Variants in KLF13 observed in about 807,000 individuals in gnomAD.
The protein encoded by KLF13 is Krueppel-like factor 13.
In KLF13, 8 loss-of-function variants were observed where a neutral mutation model predicts 16.7. That is an observed-to-expected ratio of 0.48 (90% CI 0.28 to 0.87). The LOEUF is 0.87. Among genes scored for constraint, KLF13 ranks in the 40% least tolerant of loss-of-function variants. The pLI is 0.10. For synonymous variants in KLF13, 245 were observed against 208.4 expected, an observed-to-expected ratio of 1.18 and a Z score of -1.51; for missense variants, 447 against 452.2, an observed-to-expected ratio of 0.99 and a Z score of 0.10.
chr15:31,435,229 C>G (rs1328899203), intron 1 of KLF13: 4 of 152,184 alleles, frequency 2.6e-5, no homozygotes, highest in Non-Finnish European at 4.4e-5. Context: ...CTGGGGACAG[C>G]TCGGGCTTTC....
At chr15:31,370,066 T>A (rs2039534173) in intron 1 of KLF13, among the ~76,000 whole-genome samples, 1 of 147,614 alleles carries the variant, frequency 6.8e-6, no homozygotes, top group Admixed American at 6.7e-5. Flanking sequence ...TTTTTTTTTT[T>A]ACTCTTTGAC....
At chr15:31,405,305 C>T (rs1406454109), downstream of KLF13, among the ~76,000 whole-genome samples, 5 of 152,178 alleles carry the variant, frequency 3.3e-5, no homozygotes, top group East Asian at 9.6e-4. Context: ...CAAAACGAGA[C>T]TCCGTCTCAA....
At chr15:31,388,580 G>A (rs1176378386), upstream of KLF13, among the ~76,000 whole-genome samples, 5 of 144,970 alleles carry the variant, frequency 3.4e-5, no homozygotes, top group South Asian at 6.6e-4. Flanking sequence ...ATTTCAGCCT[G>A]AGTGACAAGA....
rs1349519578 is a variant in KLF13 at position 31,375,386 on chromosome 15, A to G, written c.*3087A>G. ...CAGAATGTTTTCCCAGACTGCGTCT[A>G]TTTCAGGGTCTTCCATTTTTGTGGT... On this transcript the variant is annotated 3_prime_UTR_variant, in exon 2 of 2. Transcript: ENST00000307145. 1 of 152,204 alleles carries G rather than the reference A, an allele frequency of 6.6e-6. No individual in the cohort carries two copies. Among genetic ancestry groups the G allele is most frequent in the Non-Finnish European group, 1.5e-5 (1 of 68,036 alleles). 9.4% of individuals were successfully genotyped at this position (152,204 alleles called of 1,614,324 possible).
rs2040212128 is a variant in KLF13 at position 31,412,958 on chromosome 15, GA to G, written n.117+19272del. Among the ~76,000 whole-genome samples, 4 of 152,134 alleles carry G rather than the reference GA, an allele frequency of 2.6e-5. No individual in the cohort carries two copies. The South Asian group carries it at 8.3e-4, about 31-fold the overall frequency. ...GGAGGAGCACTTCTGAGTTCCTGGG[GA>G]AAAATATGAAGCTTAGACCTCAGAA... is the stretch of plus-strand genomic sequence containing the variant. On this transcript the variant is annotated intron_variant and non_coding_transcript_variant, in intron 1 of 1. Coordinates refer to the KLF13 transcript ENST00000558225.
Position 31,327,533 on chromosome 15 carries a change from C to A in KLF13, c.321C>A (p.Ser107=). ...RLPPPAPEPT[S]PGAEGAAAAP... is the part of the protein sequence containing the mutation. The stretch of plus-strand genomic sequence containing the variant: ...CGCCGCCCGCCCCCGAGCCCACCTC[C>A]CCCGGCGCCGAAGGCGCGGCGGCCG... Residue 107 remains serine (S), a synonymous_variant, in exon 1 of 2, where the codon TCC becomes TCA. Transcript: ENST00000307145. 1 of 1,114,598 alleles carries A rather than the reference C, an allele frequency of 9.0e-7. No individual in the cohort carries two copies. The highest frequency in any genetic ancestry group is 1.1e-6 in the Non-Finnish European group (1 of 913,564). 69.0% of individuals were successfully genotyped at this position (1,114,598 alleles called of 1,614,324 possible). A position where few individuals can be genotyped will look rare whatever the true frequency, so the allele number is the denominator to read the frequency against.
At chr15:31,380,764 C>T (rs2039713773), downstream of KLF13, among the ~76,000 whole-genome samples, 1 of 152,228 alleles carries the variant, frequency 6.6e-6, no homozygotes, top group African/African-American at 2.4e-5. Context: ...GGCAGGGCTG[C>T]TATCTCTGCA....
chr15:31,409,308 A>G (rs1051640440), downstream of KLF13, among the ~76,000 whole-genome samples: 3 of 152,062 alleles, frequency 2.0e-5, no homozygotes, highest in Non-Finnish European at 2.9e-5. Context: ...AAAACAAACA[A>G]ACAAAACAAA....
intron 1 of KLF13, among the ~76,000 whole-genome samples, chr15:31,418,290 GA>G (rs1182240870): frequency 2.0e-5 from 3 of 151,942 alleles, no homozygotes; most frequent in Non-Finnish European, 4.4e-5. Context: ...TCTATTTGAA[GA>G]AATTAGGAAA....
At chr15:31,424,905 A>ACACACACACACACACACACACACAC (rs1555383520) in intron 1 of KLF13, among the ~76,000 whole-genome samples, 1 of 151,442 alleles carries the variant, frequency 6.6e-6, no homozygotes, top group African/African-American at 2.4e-5. Context: ...ACACACACAC[A>ACACACACACACACACACACACACAC]AAGCTCTTAG....
rs191923772 is a variant in KLF13, at chr15:31,394,202, C to G, written n.529+511C>G. Among the ~76,000 whole-genome samples, 31 of 152,158 alleles carry G rather than the reference C, an allele frequency of 2.0e-4. No individual in the cohort carries two copies. In the East Asian group the frequency reaches 5.6e-3, roughly 28 times the overall value. On this transcript the variant is annotated intron_variant and non_coding_transcript_variant, in intron 2 of 2. Transcript: ENST00000500533. ...GAATGTAGGGAGTATTTTGGCCGGG[C>G]GCGGTGGCTCACGCCTGAAATCCTA...
chr15:31,373,429 G>T lies in KLF13; in HGVS notation c.*1130G>T, dbSNP rs771082288. ...TACAGGAAATGCTGTCGGAGAGCGCGCATTCTATTTCCTCCGCAGGGAATG... is the reference window on the plus strand; with the variant it reads ...TACAGGAAATGCTGTCGGAGAGCGCTCATTCTATTTCCTCCGCAGGGAATG... On this transcript the variant is annotated 3_prime_UTR_variant, in exon 2 of 2. Coordinates refer to ENST00000307145, the MANE Select transcript of KLF13 (RefSeq NM_015995.4). 1 of 152,266 alleles carries T rather than the reference G, an allele frequency of 6.6e-6. No individual in the cohort carries two copies. Among genetic ancestry groups the T allele is most frequent in the Non-Finnish European group, 1.5e-5 (1 of 68,042 alleles). The allele number at this position is 152,266 out of a possible 1,614,324, so 9.4% of individuals were successfully genotyped here.
chr15:31,420,451 C>A, intron 1 of KLF13: 1 of 868,700 alleles, frequency 1.2e-6, no homozygotes, highest in Non-Finnish European at 1.9e-6. Context: ...CCAACATAGA[C>A]ACCCAGGGTA....
chr15:31,367,877 G>A (rs1005899307), intron 1 of KLF13, among the ~76,000 whole-genome samples: 2 of 152,158 alleles, frequency 1.3e-5, no homozygotes, highest in South Asian at 2.1e-4. Context: ...ACACATTACC[G>A]CAAACTGGGT....
At chr15:31,412,638 A>G (rs2040208692) in intron 1 of KLF13, among the ~76,000 whole-genome samples, 1 of 152,184 alleles carries the variant, frequency 6.6e-6, no homozygotes, top group African/African-American at 2.4e-5. Flanking sequence ...GAACTTCTAC[A>G]TGTTTAGGTG....
At chr15:31,365,617 G>A (rs1206555395) in intron 1 of KLF13, among the ~76,000 whole-genome samples, 1 of 151,872 alleles carries the variant, frequency 6.6e-6, no homozygotes, top group South Asian at 2.1e-4. Flanking sequence ...GGTGGGGTGG[G>A]GGGGCCCACT....
chr15:31,335,355 C>T (rs1473637379), intron 1 of KLF13, among the ~76,000 whole-genome samples: 2 of 151,674 alleles, frequency 1.3e-5, no homozygotes, highest in African/African-American at 4.8e-5. Flanking sequence ...CTCCTGTGTC[C>T]TCCACACTGC....
intron 2 of KLF13, among the ~76,000 whole-genome samples, chr15:31,398,616 C>A (rs138554398): frequency 6.6e-6 from 1 of 152,138 alleles, no homozygotes; most frequent in African/African-American, 2.4e-5. Flanking sequence ...TCCCAGGGCT[C>A]AAGCTCAGGG....
chr15:31,423,160 T>C (rs1253828672), intron 1 of KLF13, among the ~76,000 whole-genome samples: 1 of 119,284 alleles, frequency 8.4e-6, no homozygotes, highest in Non-Finnish European at 1.6e-5. Flanking sequence ...TATACGTATA[T>C]ATATGTATAT....
Sources: allele counts gnomAD v4.1 joint callset (sites outside exome capture counted in the v4.1 genomes callset), GRCh38; gene constraint gnomAD v4.1.1; transcripts MANE v1.5; gene names NCBI Gene and HGNC (gene_info 2026-07-23, HGNC 2026-07-21).